The following TRPM3 variants were observed in gnomAD, a reference collection of about 807,000 sequenced individuals.
TRPM3 encodes the protein transient receptor potential cation channel subfamily M member 3.
In TRPM3, 77 loss-of-function variants were observed where a neutral mutation model predicts 181.2. The ratio of observed to expected loss-of-function variants is 0.42; its 90% CI spans 0.35 to 0.51. TRPM3 has a LOEUF of 0.51. Among genes scored for constraint, TRPM3 ranks in the 20% least tolerant of loss-of-function variants. TRPM3 has a pLI of 0.01. For synonymous variants in TRPM3, 745 were observed against 796.4 expected, an observed-to-expected ratio of 0.94 and a Z score of 1.09; for missense variants, 1,759 against 2,196.7, an observed-to-expected ratio of 0.80 and a Z score of 3.98.
At chr9:71,279,857 C>A (rs1250333758) in intron 1 of TRPM3, among the ~76,000 whole-genome samples, 1 of 152,104 alleles carries the variant, frequency 6.6e-6, no homozygotes, top group East Asian at 1.9e-4. Flanking sequence ...GCAGGCGGAT[C>A]ACCTGAGGTC....
chr9:71,416,046 T>C (rs1459847840), intron 1 of TRPM3, among the ~76,000 whole-genome samples: 4 of 151,398 alleles, frequency 2.6e-5, no homozygotes, highest in Non-Finnish European at 5.9e-5. Flanking sequence ...TAGTTGACAG[T>C]GAGGCTCAGA....
At chr9:71,252,665 TAGAA>T (rs947149884) in intron 1 of TRPM3, among the ~76,000 whole-genome samples, 69 of 152,066 alleles carry the variant, frequency 4.5e-4, no homozygotes, top group African/African-American at 1.5e-3. Flanking sequence ...TCAAAAATAA[TAGAA>T]AGACTTTTTC....
chr9:70,839,559 A>G (rs1474547314), intron 5 of TRPM3, among the ~76,000 whole-genome samples: 2 of 152,188 alleles, frequency 1.3e-5, no homozygotes, highest in Non-Finnish European at 2.9e-5. Context: ...TCTGAGAGCC[A>G]GCCCCACAAA....
intron 1 of TRPM3, among the ~76,000 whole-genome samples, chr9:70,914,047 G>A (rs910763040): frequency 6.6e-6 from 1 of 152,216 alleles, no homozygotes; most frequent in African/African-American, 2.4e-5. Context: ...TGGTTTGAAT[G>A]TGTGTCCTTT....
At chr9:71,155,625 G>T (rs1174206520) in intron 1 of TRPM3, among the ~76,000 whole-genome samples, 1 of 151,816 alleles carries the variant, frequency 6.6e-6, no homozygotes, top group Non-Finnish European at 1.5e-5. Context: ...AAAGTGCTAG[G>T]ATTACAGGCC....
intron 6 of TRPM3, among the ~76,000 whole-genome samples, chr9:70,806,690 AAAAAT>A (rs144668023): frequency 0.27 from 40,847 of 148,790 alleles, 6,884 homozygotes; most frequent in African/African-American, 0.48. Flanking sequence ...ACTCCGTCTC[AAAAAT>A]AAAATAAAAT....
At position 71,053,200 on chromosome 9, in the gene TRPM3, C is replaced by T. The variant is rs150711711; in HGVS notation, c.177+67978G>A. Among the ~76,000 whole-genome samples, 81 of 150,494 alleles carry T rather than the reference C, an allele frequency of 5.4e-4. 2 individuals carry two copies. The Middle Eastern group carries it at 0.024, about 45-fold the overall frequency. ...ACCTCAGGATTATAAATTTCAGTTT[C>T]CTGCTAAACAAGAATGTGGTTGAAG... On this transcript the variant is annotated intron_variant, in intron 1 of 25. Coordinates refer to ENST00000677713, the MANE Select transcript of TRPM3 (RefSeq NM_001366145.2).
intron 1 of TRPM3, among the ~76,000 whole-genome samples, chr9:71,001,719 T>A (rs527642265): frequency 3.9e-4 from 59 of 152,356 alleles, no homozygotes; most frequent in Admixed American, 1.3e-3. Context: ...AACATGGTAC[T>A]GTTGATACAC....
Position 70,610,544 on chromosome 9 carries a change from C to A in TRPM3, c.2667+65G>T, listed in dbSNP as rs1369430763. 1.9e-6 allele frequency: 3 copies of A among 1,563,886 alleles called. No homozygotes were observed. In the African/African-American group the frequency reaches 4.1e-5, roughly 21 times the overall value. ...ACTTGCAGAGAAAACCACACAGATGCATGAGAAATGGACGTTGGCTCCTTG... is the reference window on the plus strand; with the variant it reads ...ACTTGCAGAGAAAACCACACAGATGAATGAGAAATGGACGTTGGCTCCTTG... On this transcript the variant is annotated intron_variant, in intron 19 of 25. Coordinates refer to ENST00000677713, the MANE Select transcript of TRPM3 (RefSeq NM_001366145.2).
intron 1 of TRPM3, among the ~76,000 whole-genome samples, chr9:71,068,787 T>C (rs145582042): frequency 6.6e-6 from 1 of 152,326 alleles, no homozygotes; most frequent in African/African-American, 2.4e-5. Context: ...TCATGTGTTC[T>C]CAAGTTTAGA....
chr9:70,744,611 C>T (rs756064574), intron 8 of TRPM3, among the ~76,000 whole-genome samples: 4 of 152,088 alleles, frequency 2.6e-5, no homozygotes, highest in Non-Finnish European at 5.9e-5. Context: ...TTGTTTTTCA[C>T]GTCAATGAAT....
At chr9:71,093,689 A>G (rs1432149124) in intron 1 of TRPM3, among the ~76,000 whole-genome samples, 1 of 152,160 alleles carries the variant, frequency 6.6e-6, no homozygotes, top group Non-Finnish European at 1.5e-5. Flanking sequence ...CGATTCCTCG[A>G]GGATCTAGAA....
chr9:70,565,866 C>G lies in TRPM3; in HGVS notation c.3224-12556G>C, dbSNP rs1346583120. On this transcript the variant is annotated intron_variant, in intron 22 of 25. Coordinates refer to ENST00000677713, the MANE Select transcript of TRPM3 (RefSeq NM_001366145.2). ...GGGTAAGTCCTTTGATGTGTCTGAG[C>G]CTCAGTGTCCTCATTTCTAAGCCTG... Among the ~76,000 whole-genome samples, 3 of 152,092 alleles carry G rather than the reference C, an allele frequency of 2.0e-5. No individual in the cohort carries two copies. In the East Asian group the frequency reaches 5.8e-4, roughly 29 times the overall value.
chr9:70,603,279 C>G (rs577389411), intron 20 of TRPM3, 63 bp downstream of exon 20: 2 of 1,563,422 alleles, frequency 1.3e-6, no homozygotes, highest in African/African-American at 1.4e-5. Context: ...CCTGTCCCCT[C>G]CATCCACAGA....
chr9:71,142,179 A>C (rs1050722329), intron 1 of TRPM3, among the ~76,000 whole-genome samples: 1 of 152,206 alleles, frequency 6.6e-6, no homozygotes, highest in African/African-American at 2.4e-5. Context: ...ACTAAACTTC[A>C]AACTATCAAG....
intron 1 of TRPM3, among the ~76,000 whole-genome samples, chr9:71,349,298 A>G (rs2091466843): frequency 6.6e-6 from 1 of 152,238 alleles, no homozygotes; most frequent in Non-Finnish European, 1.5e-5. Flanking sequence ...TATTTTCAAT[A>G]TCAGGACCTT....
intron 1 of TRPM3, among the ~76,000 whole-genome samples, chr9:71,364,850 ACATCCTTT>A (rs2092282281): frequency 6.6e-6 from 1 of 152,352 alleles, no homozygotes; most frequent in East Asian, 1.9e-4. Context: ...ACACAAGAAT[ACATCCTTT>A]TTCTTTTTAA....
At chr9:71,183,066 T>C (rs930334784) in intron 1 of TRPM3, among the ~76,000 whole-genome samples, 2 of 152,188 alleles carry the variant, frequency 1.3e-5, no homozygotes, top group Non-Finnish European at 2.9e-5. Context: ...TGGTGGTATA[T>C]AGATAGAACA....
At chr9:70,841,504 A>C (rs1272240195) in intron 5 of TRPM3, among the ~76,000 whole-genome samples, 1 of 150,760 alleles carries the variant, frequency 6.6e-6, no homozygotes, top group Admixed American at 6.6e-5. Context: ...AAAATAAATC[A>C]TTATATAAAA....
Sources: gnomAD v4.1 joint callset for allele counts (sites outside exome capture counted in the v4.1 genomes callset) on GRCh38, gnomAD v4.1.1 for gene constraint, MANE v1.5 for transcripts, NCBI Gene and HGNC (gene_info 2026-07-23, HGNC 2026-07-21) for gene names.